PTPRF: variants seen among roughly 807,000 people sequenced by gnomAD.
PTPRF encodes protein tyrosine phosphatase receptor type F, also known as receptor-type tyrosine-protein phosphatase F.
PTPRF carries 59 observed loss-of-function variants against 201.8 expected under a neutral mutation model. The ratio of observed to expected loss-of-function variants is 0.29; its 90% CI spans 0.24 to 0.36. The LOEUF (loss-of-function observed/expected upper bound fraction) is 0.36, where lower values mean the gene tolerates loss of function less well. PTPRF is among the 10% of genes least tolerant of loss of function. The pLI, the probability that PTPRF is intolerant of heterozygous loss-of-function variation, is 1.00. For synonymous variants in PTPRF, 1,088 were observed against 1,089.7 expected (o/e 1.00, Z 0.03); for missense variants, 2,132 against 2,690.5 (o/e 0.79, Z 4.59).
chr1:43,522,503 A>T (rs1451269412), upstream of PTPRF, among the ~76,000 whole-genome samples: 1 of 152,224 alleles, frequency 6.6e-6, no homozygotes, highest in South Asian at 2.1e-4. Flanking sequence ...TGGATTTAAC[A>T]TATAGCTATT....
chr1:43,622,080 A>G lies in PTPRF; in HGVS notation c.*77A>G. The G allele has an allele frequency of 1.4e-6, 2 of 1,465,062 alleles. No individual in the cohort carries two copies. Among genetic ancestry groups the G allele is most frequent in the African/African-American group, 1.4e-5 (1 of 72,016 alleles). 90.8% of individuals were successfully genotyped at this position (1,465,062 alleles called of 1,614,324 possible). On this transcript the variant is annotated 3_prime_UTR_variant, in exon 34 of 34. Transcript: ENST00000359947. ...CCAGCTCCTCTGAGCCATACCGACC[A>G]TCGTCCAGCCCTCCTACGCAGATGC...
chr1:43,612,788 C>T (rs750040120), intron 22 of PTPRF: 2 of 1,365,956 alleles, frequency 1.5e-6, no homozygotes, highest in South Asian at 2.3e-5. Context: ...CCCCAGTTGC[C>T]CGAATACCTC....
In PTPRF at chr1:43,622,134, A is replaced by G; in HGVS notation, c.*131A>G. On this transcript the variant is annotated 3_prime_UTR_variant, in exon 34 of 34. Coordinates refer to ENST00000359947, the MANE Select transcript of PTPRF (RefSeq NM_002840.5). Reference sequence around the variant, plus strand: ...CACTGGCAGAGCACAGCCCACGGGGATCACAGCGTTTCAGGAACGTTGCCA... The same window carrying G: ...CACTGGCAGAGCACAGCCCACGGGGGTCACAGCGTTTCAGGAACGTTGCCA... 1 of 961,488 alleles carries G rather than the reference A, an allele frequency of 1.0e-6. No individual in the cohort carries two copies. Among genetic ancestry groups the G allele is most frequent in the East Asian group, 2.5e-5 (1 of 40,118 alleles). The allele number at this position is 961,488 out of a possible 1,614,324, so 59.6% of individuals were successfully genotyped here.
At chr1:43,547,696 T>G (rs1342159894) in intron 3 of PTPRF, among the ~76,000 whole-genome samples, 1 of 152,126 alleles carries the variant, frequency 6.6e-6, no homozygotes, top group Non-Finnish European at 1.5e-5. Context: ...GACAAATGAA[T>G]GGGGGCCCTG....
At position 43,588,263 on chromosome 1, in the gene PTPRF, CCTT is replaced by C. The variant is rs1649688151; in HGVS notation, c.680-465_680-463del. Among the ~76,000 whole-genome samples the C allele has an allele frequency of 6.6e-6, 1 of 152,162 alleles. No homozygotes were observed. The highest frequency in any genetic ancestry group is 1.5e-5 in the Non-Finnish European group (1 of 68,030). Reference sequence around the variant, plus strand: ...AGGTGGCTGTGTCCCTCTGGACTGGCCTTCTGCTCTGCCCAGCCATGCTCTGAG... The same window carrying C: ...AGGTGGCTGTGTCCCTCTGGACTGGCCTGCTCTGCCCAGCCATGCTCTGAG... On this transcript the variant is annotated intron_variant, in intron 7 of 33. Transcript: ENST00000359947. The surrounding 1 kb of genome is among the most constrained non-coding windows in gnomAD (Gnocchi z 5.3).
intron 19 of PTPRF, 87 bp from the exon 20 acceptor site, chr1:43,606,153 C>G (rs986790571): frequency 2.2e-5 from 31 of 1,430,468 alleles, no homozygotes; most frequent in Non-Finnish European, 2.9e-5. Context: ...TGATCTCGGC[C>G]CAGGGAGCTG....
At chr1:43,557,529 G>A (rs1387999217) in intron 5 of PTPRF, among the ~76,000 whole-genome samples, 1 of 152,106 alleles carries the variant, frequency 6.6e-6, no homozygotes, top group Non-Finnish European at 1.5e-5. Context: ...AGCTACTTGG[G>A]AGGCTGAGGC....
intron 6 of PTPRF, among the ~76,000 whole-genome samples, chr1:43,578,407 A>G (rs1164298960): frequency 6.6e-6 from 1 of 152,186 alleles, no homozygotes; most frequent in East Asian, 1.9e-4. Flanking sequence ...GCCAGTCTGC[A>G]GGCTGCTCCC....
intron 8 of PTPRF, among the ~76,000 whole-genome samples, 159 bp downstream of exon 8, chr1:43,589,159 A>C (rs2154008370): frequency 6.6e-6 from 1 of 151,154 alleles, no homozygotes; most frequent in South Asian, 2.1e-4. Flanking sequence ...CCTTAGAGGG[A>C]GGGAGGGATT....
chr1:43,602,144 G>A, intron 14 of PTPRF, 47 bp downstream of exon 14: 1 of 1,584,382 alleles, frequency 6.3e-7, no homozygotes, highest in Non-Finnish European at 8.7e-7. Context: ...GTCAAGCTGG[G>A]CTCGTGGGAC....
chr1:43,552,525 G>A (rs1645102495), intron 3 of PTPRF, among the ~76,000 whole-genome samples: 1 of 152,200 alleles, frequency 6.6e-6, no homozygotes, highest in Non-Finnish European at 1.5e-5. Context: ...GACCAGGCTG[G>A]GCCTGGGCTC....
Position 43,579,071 on chromosome 1 carries a change from C to T in PTPRF, c.679+151C>T, listed in dbSNP as rs1306080845. ...CTGCTTCTTTCTGCAGCAGCAGCAACAGCTCCCACTGGGCAAGTTCCTGGC... is the reference window on the plus strand; with the variant it reads ...CTGCTTCTTTCTGCAGCAGCAGCAATAGCTCCCACTGGGCAAGTTCCTGGC... On this transcript the variant is annotated intron_variant, in intron 7 of 33. Coordinates refer to ENST00000359947, the MANE Select transcript of PTPRF (RefSeq NM_002840.5). The T allele has an allele frequency of 1.8e-5, 14 of 782,146 alleles. No individual in the cohort carries two copies. The East Asian group carries it at 3.7e-4, about 21-fold the overall frequency. 48.5% of individuals were successfully genotyped at this position (782,146 alleles called of 1,614,324 possible).
intron 1 of PTPRF, among the ~76,000 whole-genome samples, chr1:43,533,735 G>A (rs1358066953): frequency 6.6e-6 from 1 of 152,202 alleles, no homozygotes; most frequent in African/African-American, 2.4e-5. Flanking sequence ...ACACTGCTGT[G>A]TGCTTGGTTC....
chr1:43,605,284 T>C lies in PTPRF; in HGVS notation c.3230T>C (p.Leu1077Pro). The stretch of plus-strand genomic sequence containing the variant: ...CCCAACACAGAGTACTCGTTTGTGC[T>C]GATGAACCGTGGCAGCAGCGCAGGG... ...LQPNTEYSFV[L>P]MNRGSSAGGL... The change falls in exon 18 of 34, where the codon CTG becomes CCG. Residue 1077 changes from leucine to proline, a missense_variant. Physicochemically the swap from Leu to Pro is moderately conservative, Grantham distance 98. Around this residue, in one of 6 missense-constraint regions of PTPRF, gnomAD observed 818 missense variants for 915.3 expected, o/e 0.89. Coordinates refer to ENST00000359947, the MANE Select transcript of PTPRF (RefSeq NM_002840.5). 3 of 1,613,142 alleles carry C rather than the reference T, an allele frequency of 1.9e-6. No individual in the cohort carries two copies. Among genetic ancestry groups the C allele is most frequent in the Non-Finnish European group, 2.5e-6 (3 of 1,179,392 alleles).
Position 43,618,532 on chromosome 1 carries a change from A to C in PTPRF, c.4372-98A>C, listed in dbSNP as rs1273154130. 9 of 1,435,424 alleles carry C rather than the reference A, an allele frequency of 6.3e-6. No homozygotes were observed. The African/African-American group carries it at 1.1e-4, about 18-fold the overall frequency. The allele number at this position is 1,435,424 out of a possible 1,614,324, so 88.9% of individuals were successfully genotyped here. The stretch of plus-strand genomic sequence containing the variant: ...CTCAGGGCTGGGGGGCTTTGTAGCC[A>C]GAAAGGCTACAGCCAGGGAGTTGAC... On this transcript the variant is annotated intron_variant, in intron 25 of 33. Transcript: ENST00000359947.
rs1260297544 is a variant in PTPRF at position 43,554,591 on chromosome 1, G to T, written c.379+650G>T. ...AGAGAGCTCTGAGTAGTTCAATTTG[G>T]GTTTTCTGGAGGGCAGAGGGGGAGC... On this transcript the variant is annotated intron_variant, in intron 5 of 33. Transcript: ENST00000359947. This position sits in a 1 kb window ranked among gnomAD's most constrained non-coding sequence, Gnocchi z 4.1. Among the ~76,000 whole-genome samples, 1 of 152,112 alleles carries T rather than the reference G, an allele frequency of 6.6e-6. No homozygotes were observed. The highest frequency in any genetic ancestry group is 6.5e-5 in the Admixed American group (1 of 15,272).
intron 22 of PTPRF, 44 bp from the exon 23 acceptor site, chr1:43,613,573 CA>C: frequency 6.7e-7 from 1 of 1,502,430 alleles, no homozygotes; most frequent in South Asian, 1.1e-5. Flanking sequence ...CCACACTGCT[CA>C]AGCCTCACAC....
At chr1:43,533,503 C>T (rs964360309) in intron 1 of PTPRF, among the ~76,000 whole-genome samples, 3 of 152,060 alleles carry the variant, frequency 2.0e-5, no homozygotes, top group Non-Finnish European at 4.4e-5. Flanking sequence ...GAGGAGGGGA[C>T]CCAGACCTCC....
chr1:43,586,505 G>T (rs1649186444), intron 7 of PTPRF, among the ~76,000 whole-genome samples: 1 of 152,194 alleles, frequency 6.6e-6, no homozygotes, highest in Non-Finnish European at 1.5e-5. Context: ...CCATGCCCCG[G>T]GATCCACCTG....
Sources: gnomAD v4.1 joint callset for allele counts (sites outside exome capture counted in the v4.1 genomes callset) on GRCh38, gnomAD v4.1.1 for gene constraint, gnomAD v4.1.1 regional missense constraint, Gnocchi (gnomAD v3.1) non-coding constraint, MANE v1.5 for transcripts, NCBI Gene and HGNC (gene_info 2026-07-23, HGNC 2026-07-21) for gene names.